The following NAV3 variants were observed in gnomAD, a reference collection of about 807,000 sequenced individuals.
NAV3 encodes pore membrane and/or filament interacting like protein 1.
NAV3 carries 87 observed loss-of-function variants against 244.7 expected under a neutral mutation model. The observed-to-expected ratio is 0.36, with a 90% CI of 0.30 to 0.42. The LOEUF (loss-of-function observed/expected upper bound fraction) is 0.42, where lower values mean the gene tolerates loss of function less well. Among genes scored for constraint, NAV3 ranks in the 20% least tolerant of loss-of-function variants. The pLI is 1.00. For synonymous variants in NAV3, 1,126 were observed against 1,042.2 expected (o/e 1.08, Z -1.55); for missense variants, 2,663 against 2,893.3 (o/e 0.92, Z 1.83).
At chr12:77,808,891 G>A (rs991092392) in intron 2 of NAV3, among the ~76,000 whole-genome samples, 1 of 152,208 alleles carries the variant, frequency 6.6e-6, no homozygotes, top group African/African-American at 2.4e-5. Flanking sequence ...AGGAATCTAG[G>A]GAGGCAGTCT....
chr12:77,854,264 G>C (rs1437949003), intron 1 of NAV3, among the ~76,000 whole-genome samples: 2 of 152,122 alleles, frequency 1.3e-5, no homozygotes, highest in East Asian at 1.9e-4. Flanking sequence ...GAACTGGAAG[G>C]CAGCCTGTTT....
At chr12:78,079,198 G>A (rs575268223) in intron 12 of NAV3, among the ~76,000 whole-genome samples, 1 of 152,248 alleles carries the variant, frequency 6.6e-6, no homozygotes, top group Non-Finnish European at 1.5e-5. Context: ...CCTGCGCAAG[G>A]ATGGGCTAGC....
chr12:78,195,875 G>C (rs1594008383), intron 34 of NAV3, among the ~76,000 whole-genome samples: 1 of 152,028 alleles, frequency 6.6e-6, no homozygotes, highest in Middle Eastern at 3.4e-3. Context: ...ACAACTCTTA[G>C]AGCTTGCAGG....
Position 77,810,174 on chromosome 12 carries a change from GTGTT to G in NAV3, c.73-130135_73-130132del, listed in dbSNP as rs775429773. On this transcript the variant is annotated intron_variant, in intron 2 of 8. Coordinates refer to the NAV3 transcript ENST00000550042. Reference sequence around the variant, plus strand: ...ACCCATTATATGTTTGTTTGTTTGTGTGTTTGTTTGTTTTTGAGACGGAGTCTCG... The same window carrying G: ...ACCCATTATATGTTTGTTTGTTTGTGTGTTTGTTTTTGAGACGGAGTCTCG... Among the ~76,000 whole-genome samples, 274 of 152,150 alleles carry G rather than the reference GTGTT, an allele frequency of 1.8e-3. 2 individuals are homozygous for G. Among genetic ancestry groups the G allele is most frequent in the African/African-American group, 6.2e-3 (256 of 41,520 alleles).
At chr12:78,024,988 A>G (rs1012042320) in intron 9 of NAV3, among the ~76,000 whole-genome samples, 16 of 30,400 alleles carry the variant, frequency 5.3e-4, no homozygotes, top group Admixed American at 1.9e-3. Context: ...AAAAAGGGGG[A>G]AAAAAAAAGC....
chr12:77,755,611 C>CTCCCTCCCTCCCTCCTTCCTTCCT (rs1201606858), intron 2 of NAV3, among the ~76,000 whole-genome samples: 1 of 38,212 alleles, frequency 2.6e-5, no homozygotes, highest in African/African-American at 1.3e-4. Context: ...CCCTCCCTCC[C>CTCCCTCCCTCCCTCCTTCCTTCCT]TCCTTCCTTC....
intron 29 of NAV3, 23 bp from the exon 30 acceptor site, chr12:78,180,848 C>T (rs759159261): frequency 2.5e-6 from 4 of 1,580,482 alleles, no homozygotes; most frequent in Admixed American, 1.8e-5. Context: ...CAGTTTTTTT[C>T]ATGTTTTCCA....
intron 5 of NAV3, among the ~76,000 whole-genome samples, chr12:77,986,096 T>C (rs1870456625): frequency 6.6e-6 from 1 of 152,216 alleles, no homozygotes; most frequent in African/African-American, 2.4e-5. Context: ...GCGCGGTGGC[T>C]CATGCCTGTA....
chr12:78,125,362 T>C lies in NAV3; in HGVS notation c.4239-1805T>C, dbSNP rs1593689154. The stretch of plus-strand genomic sequence containing the variant: ...AGATTTTAATTTTTGTTTAAATTCC[T>C]CTTCATTAAATTAAATAAAATAATA... On this transcript the variant is annotated intron_variant, in intron 16 of 39. Coordinates refer to ENST00000397909, the MANE Select transcript of NAV3 (RefSeq NM_001024383.2). Among the ~76,000 whole-genome samples the C allele has an allele frequency of 3.4e-5, 5 of 149,184 alleles. No homozygotes were observed. The South Asian group carries it at 1.1e-3, about 32-fold the overall frequency.
intron 2 of NAV3, among the ~76,000 whole-genome samples, chr12:77,650,635 G>A (rs576363060): frequency 3.9e-5 from 6 of 152,086 alleles, no homozygotes; most frequent in African/African-American, 1.4e-4. Flanking sequence ...ATTTAGTGTG[G>A]TTTATTACTT....
chr12:77,718,597 A>G (rs1202644650), intron 2 of NAV3, among the ~76,000 whole-genome samples: 2 of 151,732 alleles, frequency 1.3e-5, no homozygotes, highest in Non-Finnish European at 2.9e-5. Flanking sequence ...CTATTTCTAC[A>G]AAAAAGCCAT....
rs140496045 is a variant in NAV3 at position 77,933,791 on chromosome 12, C to T, written c.244-6528C>T. 2.5e-3 allele frequency among the ~76,000 whole-genome samples: 374 copies of T among 152,268 alleles called. 3 individuals carry two copies. Among genetic ancestry groups the T allele is most frequent in the African/African-American group, 7.6e-3 (315 of 41,552 alleles). ...CACAGATCTTTTGGTCATATCAGTTCTGTAACAACAACTGCAGATCCAGTC... is the reference window on the plus strand; with the variant it reads ...CACAGATCTTTTGGTCATATCAGTTTTGTAACAACAACTGCAGATCCAGTC... On this transcript the variant is annotated intron_variant, in intron 1 of 39. Transcript: ENST00000397909.
intron 9 of NAV3, among the ~76,000 whole-genome samples, chr12:78,031,832 A>G (rs930196468): frequency 2.6e-5 from 4 of 151,628 alleles, no homozygotes; most frequent in Non-Finnish European, 4.4e-5. Context: ...ACATGTATAC[A>G]TATGTAACTA....
intron 2 of NAV3, among the ~76,000 whole-genome samples, chr12:77,759,153 T>C (rs539270792): frequency 1.3e-5 from 2 of 152,254 alleles, no homozygotes; most frequent in African/African-American, 2.4e-5. Flanking sequence ...TGGTTATTGA[T>C]TTTTTCTATG....
chr12:78,055,221 TGC>T, intron 11 of NAV3, among the ~76,000 whole-genome samples: 1 of 394 alleles, frequency 2.5e-3, no homozygotes, highest in African/African-American at 2.9e-3. Flanking sequence ...AATTGTAATA[TGC>T]ACACATATGT....
intron 11 of NAV3, among the ~76,000 whole-genome samples, chr12:78,051,851 C>A (rs1289619193): frequency 6.6e-6 from 1 of 152,194 alleles, no homozygotes; most frequent in Non-Finnish European, 1.5e-5. Flanking sequence ...GTACTATGCT[C>A]TTGTCAAGTG....
At chr12:77,607,027 T>C (rs1049322067) in intron 2 of NAV3, among the ~76,000 whole-genome samples, 11 of 152,124 alleles carry the variant, frequency 7.2e-5, no homozygotes, top group Admixed American at 1.3e-4. Context: ...ACATTCACTA[T>C]AATTAATGAA....
In NAV3 at chr12:78,210,943, C is replaced by T. The variant is rs1960836850; in HGVS notation, c.*426C>T. 2 of 178,046 alleles carry T rather than the reference C, an allele frequency of 1.1e-5. No individual in the cohort carries two copies. Among genetic ancestry groups the T allele is most frequent in the South Asian group, 2.6e-4 (2 of 7,752 alleles). The allele number at this position is 178,046 out of a possible 1,614,324, so 11.0% of individuals were successfully genotyped here. ...GGTCCATCTTTCTGATCTGTCCAAC[C>T]TCCTTTGTGCCACACGGTGCTGGTC... On this transcript the variant is annotated 3_prime_UTR_variant, in exon 40 of 40. Coordinates refer to ENST00000397909, the MANE Select transcript of NAV3 (RefSeq NM_001024383.2).
intron 2 of NAV3, among the ~76,000 whole-genome samples, chr12:77,739,113 G>A (rs1471763732): frequency 6.6e-6 from 1 of 150,380 alleles, no homozygotes; most frequent in Non-Finnish European, 1.5e-5. Flanking sequence ...TTTGAGGCAA[G>A]GAATTAGCCT....
Sources: gnomAD v4.1 joint callset for allele counts (sites outside exome capture counted in the v4.1 genomes callset) on GRCh38, gnomAD v4.1.1 for gene constraint, MANE v1.5 for transcripts, NCBI Gene and HGNC (gene_info 2026-07-23, HGNC 2026-07-21) for gene names.